The following SPDYE21 variants were observed in gnomAD, a reference collection of about 807,000 sequenced individuals.
SPDYE21 encodes speedy protein E21.
In SPDYE21, 14 loss-of-function variants were observed where a neutral mutation model predicts 36.2. The ratio of observed to expected loss-of-function variants is 0.39; its 90% CI spans 0.26 to 0.61. The LOEUF is 0.61. Ranked by LOEUF, SPDYE21 falls within the 20% of genes least tolerant of loss-of-function variation. The pLI is 0.55. For synonymous variants in SPDYE21, 58 were observed against 155.1 expected (o/e 0.37, Z 4.65); for missense variants, 233 against 424.6 (o/e 0.55, Z 3.97).
intron 6 of SPDYE21, among the ~76,000 whole-genome samples, chr7:67,284,708 C>T (rs377689985): frequency 6.7e-6 from 1 of 150,196 alleles, no homozygotes; most frequent in Middle Eastern, 3.4e-3. Context: ...TCACTCGAAT[C>T]CACTGTCAAA....
rs111928678 is a variant in SPDYE21, at chr7:67,278,258, G to T, written c.-422-34G>T. On this transcript the variant is annotated intron_variant, in intron 1 of 8. Transcript: ENST00000424157. ...GGTTTCATCGTTTCTGCTTACCCTA[G>T]TTTTCTTTCCCACTCTGTTCCCTCT... Among the ~76,000 whole-genome samples, 334 of 128,426 alleles carry T rather than the reference G, an allele frequency of 2.6e-3. 12 individuals carry two copies. The highest frequency in any genetic ancestry group is 0.01 in the African/African-American group (311 of 29,878). 84.3% of individuals were successfully genotyped at this position (128,426 alleles called of 152,430 possible). A position where few individuals can be genotyped will look rare whatever the true frequency, so the allele number is the denominator to read the frequency against.
At chr7:67,285,326 C>A (rs907535640) in intron 6 of SPDYE21, among the ~76,000 whole-genome samples, 6 of 152,136 alleles carry the variant, frequency 3.9e-5, no homozygotes, top group African/African-American at 1.2e-4. Context: ...AGCGATCCTC[C>A]CACCTCAGCT....
At chr7:67,287,014 T>C (rs1253347127) in intron 8 of SPDYE21, among the ~76,000 whole-genome samples, 2 of 152,092 alleles carry the variant, frequency 1.3e-5, no homozygotes, top group African/African-American at 4.8e-5. Flanking sequence ...CTGATTTGGG[T>C]CGAGGGTTCA....
intron 4 of SPDYE21, among the ~76,000 whole-genome samples, chr7:67,282,160 A>C (rs1389856022): frequency 6.6e-6 from 1 of 152,216 alleles, no homozygotes; most frequent in Non-Finnish European, 1.5e-5. Flanking sequence ...AAATAAAAAT[A>C]AAAATCAAAT....
chr7:67,277,297 G>A (rs1649366901), intron 1 of SPDYE21, among the ~76,000 whole-genome samples: 1 of 151,532 alleles, frequency 6.6e-6, no homozygotes, highest in Admixed American at 6.6e-5. Context: ...GACCTCAAGT[G>A]ATCCACCCAC....
chr7:67,287,407 A>C (rs1271534772), intron 8 of SPDYE21, among the ~76,000 whole-genome samples, 111 bp from the exon 9 acceptor site: 5 of 152,162 alleles, frequency 3.3e-5, no homozygotes. Context: ...GCAGCAGATA[A>C]AATTGTATTT....
intron 5 of SPDYE21, among the ~76,000 whole-genome samples, chr7:67,283,553 A>C (rs1053637805): frequency 6.6e-6 from 1 of 152,044 alleles, no homozygotes; most frequent in African/African-American, 2.4e-5. Context: ...TCTGGGCCAC[A>C]GTCTGGCCGC....
rs563380161 is a variant in SPDYE21, at chr7:67,286,345, C to T, written c.1057C>T (p.Arg353Cys). 12 of 1,613,898 alleles carry T rather than the reference C, an allele frequency of 7.4e-6. No individual in the cohort carries two copies. The highest frequency in any genetic ancestry group is 1.7e-4 in the Middle Eastern group (1 of 5,816). ...RCMNPRARKNRSQIVLFQKLR... is the reference protein window; with the variant it reads ...RCMNPRARKNCSQIVLFQKLR... The stretch of plus-strand genomic sequence containing the variant: ...CATGAACCCGAGGGCCAGGAAGAAC[C>T]GCTCTCAGATAGTCCTGTTCCAGAA... Residue 353 changes from arginine to cysteine, a missense_variant, in exon 7 of 9, where the codon CGC becomes TGC. Transcript: ENST00000424157.
In SPDYE21 at chr7:67,278,739, G is replaced by A. The variant is rs1440010281; in HGVS notation, c.26G>A (p.Arg9His). The change falls in exon 2 of 9, where the codon CGT becomes CAT. Residue 9 changes from arginine to histidine, a missense_variant. Coordinates refer to ENST00000424157, the MANE Select transcript of SPDYE21 (RefSeq NM_001382715.2). ...ATGGACAGAACGGAGACTAGGTTCC[G>A]TAAGAGGGGACAGATTACGGGAAAG... MDRTETRFRKRGQITGKIT... is the reference protein window; with the variant it reads MDRTETRFHKRGQITGKIT... Among the ~76,000 whole-genome samples the A allele has an allele frequency of 2.6e-5, 4 of 151,124 alleles. No individual in the cohort carries two copies. The highest frequency in any genetic ancestry group is 6.6e-5 in the Admixed American group (1 of 15,108).
At chr7:67,282,771 C>G in intron 5 of SPDYE21, 78 bp downstream of exon 5, 1 of 1,111,430 alleles carries the variant, frequency 9.0e-7, no homozygotes, top group Non-Finnish European at 1.2e-6. Flanking sequence ...ACCCACAGTT[C>G]TCCCTCCACC....
At chr7:67,279,150 T>G (rs1363497775) in intron 2 of SPDYE21, among the ~76,000 whole-genome samples, 1 of 147,906 alleles carries the variant, frequency 6.8e-6, no homozygotes, top group Non-Finnish European at 1.5e-5. Flanking sequence ...GAGGAAGAGG[T>G]TGCAGTGAGC....
chr7:67,286,304 TCCAGTTACG>T lies in SPDYE21; in HGVS notation c.1019_1027del (p.Gln340_Arg342del). 1.2e-6 allele frequency: 2 copies of T among 1,601,104 alleles called. No individual in the cohort carries two copies. Among genetic ancestry groups the T allele is most frequent in the South Asian group, 2.2e-5 (2 of 90,072 alleles). On this transcript the variant is annotated inframe_deletion, in exon 7 of 9. Transcript: ENST00000424157. The stretch of plus-strand genomic sequence containing the variant: ...ATACCCTTGGTCCGTAAGCGTCGGT[TCCAGTTACG>T]CCGTTGCATGAACCCGAGGGCCAGG...
Position 67,288,847 on chromosome 7 carries a change from T to C in SPDYE21, c.*1375T>C, listed in dbSNP as rs1374719425. On this transcript the variant is annotated 3_prime_UTR_variant, in exon 9 of 9. Coordinates refer to ENST00000424157, the MANE Select transcript of SPDYE21 (RefSeq NM_001382715.2). ...TATTTGAAATGTGAGAATTCAGATG[T>C]AATTTTTTACCTTGTTTTGGCATGT... Among the ~76,000 whole-genome samples the C allele has an allele frequency of 2.6e-5, 4 of 150,948 alleles. No homozygotes were observed.
chr7:67,277,077 T>A lies in SPDYE21; in HGVS notation c.-423+15T>A, dbSNP rs1802552978. ...CTCACTCGCAGGTTCTTTATTTTTTTTGAGATGGAGTTTTGCTCTTGTTGC... is the reference window on the plus strand; with the variant it reads ...CTCACTCGCAGGTTCTTTATTTTTTATGAGATGGAGTTTTGCTCTTGTTGC... On this transcript the variant is annotated intron_variant, in intron 1 of 8. Transcript: ENST00000424157. 6.6e-6 allele frequency among the ~76,000 whole-genome samples: 1 copy of A among 151,966 alleles called. No homozygotes were observed. Among genetic ancestry groups the A allele is most frequent in the South Asian group, 2.1e-4 (1 of 4,810 alleles).
Position 67,286,297 on chromosome 7 carries a change from C to T in SPDYE21, c.1009C>T (p.Arg337Cys), listed in dbSNP as rs1367395917. ...YRSRIPLVRK[R>C]RFQLRRCMNP... ...CTCTCGCATACCCTTGGTCCGTAAG[C>T]GTCGGTTCCAGTTACGCCGTTGCAT... Residue 337 changes from arginine (R) to cysteine (C), a missense_variant, in exon 7 of 9, where the codon CGT (arginine) becomes TGT (cysteine). This residue lies in a region of SPDYE21 where 139 missense variants were observed against 175.8 expected (regional missense o/e 0.79). Transcript: ENST00000424157. 3.9e-5 allele frequency: 62 copies of T among 1,600,968 alleles called. 1 individual carries two copies. Among genetic ancestry groups the T allele is most frequent in the South Asian group, 1.9e-4 (17 of 90,062 alleles).
At chr7:67,280,092 C>T in intron 3 of SPDYE21, 56 bp downstream of exon 3, 3 of 1,542,756 alleles carry the variant, frequency 1.9e-6, no homozygotes, top group South Asian at 2.4e-5. Context: ...AAAGAGGAAA[C>T]TTCCAATAAC....
rs200754009 is a variant in SPDYE21 at position 67,286,422 on chromosome 7, G to A, written c.1134G>A (p.Pro378=). Reference sequence around the variant, plus strand: ...TGAGCGGCAGGGCTTGGGTTTCCCCGGAGGAGTTGGAGGAGGTGAGTGGGG... The same window carrying A: ...TGAGCGGCAGGGCTTGGGTTTCCCCAGAGGAGTTGGAGGAGGTGAGTGGGG... ...CSMSGRAWVS[P]EELEEIQAYD... The change falls in exon 7 of 9, where the codon CCG becomes CCA. Residue 378 remains proline (P), a synonymous_variant. Transcript: ENST00000424157. Among the ~76,000 whole-genome samples, 7 of 152,126 alleles carry A rather than the reference G, an allele frequency of 4.6e-5. No homozygotes were observed. Among genetic ancestry groups the A allele is most frequent in the East Asian group, 1.9e-4 (1 of 5,170 alleles).
intron 6 of SPDYE21, among the ~76,000 whole-genome samples, chr7:67,284,427 T>C (rs1270690783): frequency 9.3e-6 from 1 of 107,522 alleles, no homozygotes. Flanking sequence ...CCAGCCTGGG[T>C]GACAGAGTGA....
In SPDYE21 at chr7:67,288,937, A is replaced by C. The variant is rs1802791035; in HGVS notation, c.*1465A>C. On this transcript the variant is annotated 3_prime_UTR_variant, in exon 9 of 9. Coordinates refer to ENST00000424157, the MANE Select transcript of SPDYE21 (RefSeq NM_001382715.2). ...GACATGAGCTGTGTGTTTTCAAGAG[A>C]ACAATAGAGTGCGTCTCTTGGGGAA... 1.3e-5 allele frequency among the ~76,000 whole-genome samples: 2 copies of C among 148,714 alleles called. No individual in the cohort carries two copies. The highest frequency in any genetic ancestry group is 3.0e-5 in the Non-Finnish European group (2 of 67,206).
Sources: allele counts gnomAD v4.1 joint callset (sites outside exome capture counted in the v4.1 genomes callset), GRCh38; gene constraint gnomAD v4.1.1; regional missense constraint gnomAD v4.1.1; transcripts MANE v1.5; gene names NCBI Gene and HGNC (gene_info 2026-07-23, HGNC 2026-07-21).